Variants in PRKDC observed in about 807,000 individuals in gnomAD.
The protein encoded by PRKDC is DNA-dependent protein kinase catalytic subunit.
In PRKDC, 82 loss-of-function variants were observed where a neutral mutation model predicts 486.9. The ratio of observed to expected loss-of-function variants is 0.17; its 90% CI spans 0.14 to 0.20. The LOEUF (loss-of-function observed/expected upper bound fraction) is 0.20, where lower values mean the gene tolerates loss of function less well. PRKDC is among the 10% of genes least tolerant of loss of function. PRKDC has a pLI of 1.00. For synonymous variants in PRKDC, 1,895 were observed against 1,837.0 expected (o/e 1.03, Z -0.81); for missense variants, 4,504 against 5,038.2 (o/e 0.89, Z 3.21).
chr8:47,950,421 T>C (rs1000872523), intron 7 of PRKDC, among the ~76,000 whole-genome samples: 4 of 151,618 alleles, frequency 2.6e-5, no homozygotes, highest in African/African-American at 9.7e-5. Context: ...GTGAGGAGAA[T>C]GAGACCATCC....
intron 35 of PRKDC, among the ~76,000 whole-genome samples, chr8:47,887,095 G>A (rs1275039501): frequency 6.6e-6 from 1 of 152,198 alleles, no homozygotes; most frequent in Non-Finnish European, 1.5e-5. Context: ...AGGGCTGGCT[G>A]CAGATTTCAG....
In PRKDC at chr8:47,795,314, C is replaced by T. The variant is rs181625509; in HGVS notation, c.10459-813G>A. On this transcript the variant is annotated intron_variant, in intron 73 of 85. Transcript: ENST00000314191. The stretch of plus-strand genomic sequence containing the variant: ...ACGCCATTCTCCTACTTCAGCCTCC[C>T]GAGTAGCTGGGACTACAGGCGCCTG... Among the ~76,000 whole-genome samples, 649 of 149,240 alleles carry T rather than the reference C, an allele frequency of 4.3e-3. 1 individual carries two copies. The highest frequency in any genetic ancestry group is 6.1e-3 in the Non-Finnish European group (411 of 67,480).
At chr8:47,928,745 G>T (rs1333263392) in intron 19 of PRKDC, among the ~76,000 whole-genome samples, 5 of 151,880 alleles carry the variant, frequency 3.3e-5, no homozygotes, top group African/African-American at 1.2e-4. Context: ...GTACAGTAGT[G>T]CAATCTCAGC....
At chr8:47,856,706 G>A (rs1003153715) in intron 49 of PRKDC, among the ~76,000 whole-genome samples, 4 of 152,154 alleles carry the variant, frequency 2.6e-5, no homozygotes, top group Non-Finnish European at 5.9e-5. Flanking sequence ...TTATCATCTG[G>A]CAGCTACTGC....
Position 47,930,682 on chromosome 8 carries a change from C to T in PRKDC, c.1882G>A (p.Glu628Lys). Residue 628 changes from glutamate to lysine, a missense_variant, in exon 17 of 86, where the codon GAA becomes AAA. This residue lies in a region of PRKDC where 1,969 missense variants were observed against 2,068.9 expected (regional missense o/e 0.95). Transcript: ENST00000314191. ...KDFSAFINLV[E>K]FCREILPEKQ... ...AATTTTACCAAATACCTGCAAAATT[C>T]CACCAGGTTAATGAAAGCCGAAAAA... The T allele has an allele frequency of 6.4e-7, 1 of 1,568,112 alleles. No individual in the cohort carries two copies. The highest frequency in any genetic ancestry group is 8.6e-7 in the Non-Finnish European group (1 of 1,156,416).
At chr8:47,936,281 T>C in intron 12 of PRKDC, 72 bp downstream of exon 12, 2 of 1,485,298 alleles carry the variant, frequency 1.3e-6, no homozygotes, top group Non-Finnish European at 9.1e-7. Flanking sequence ...AAATGTATTG[T>C]ATGACTCCAT....
intron 40 of PRKDC, among the ~76,000 whole-genome samples, chr8:47,869,212 C>T (rs2088889198): frequency 6.6e-6 from 1 of 151,854 alleles, no homozygotes; most frequent in Admixed American, 6.6e-5. Context: ...GAGTGCTTGG[C>T]CATGCCTCCC....
At position 47,920,893 on chromosome 8, in the gene PRKDC, A is replaced by C. The variant is rs148031640; in HGVS notation, c.2420-2510T>G. 1.4e-4 allele frequency among the ~76,000 whole-genome samples: 21 copies of C among 152,296 alleles called. 1 individual carries two copies. Among genetic ancestry groups the C allele is most frequent in the African/African-American group, 4.6e-4 (19 of 41,564 alleles). ...TTAATTACATTCACAATGTTGTCCA[A>C]CCATCACCACATCCATCTCCAGAAA... On this transcript the variant is annotated intron_variant, in intron 21 of 85. Coordinates refer to ENST00000314191, the MANE Select transcript of PRKDC (RefSeq NM_006904.7).
chr8:47,904,774 C>A, intron 26 of PRKDC, 95 bp downstream of exon 26: 1 of 989,898 alleles, frequency 1.0e-6, no homozygotes, highest in Non-Finnish European at 1.5e-6. Flanking sequence ...GCCTGGGCGA[C>A]GGAGCAAGAC....
Position 47,881,528 on chromosome 8 carries a change from A to C in PRKDC, c.4963-8T>G, listed in dbSNP as rs1414137482. The C allele has an allele frequency of 7.2e-7, 1 of 1,392,768 alleles. No individual in the cohort carries two copies. The highest frequency in any genetic ancestry group is 9.9e-7 in the Non-Finnish European group (1 of 1,012,616). 86.3% of individuals were successfully genotyped at this position (1,392,768 alleles called of 1,614,324 possible). A position where few individuals can be genotyped will look rare whatever the true frequency, so the allele number is the denominator to read the frequency against. ...AGATACAGATGAATCAATCTAAAGGAAGGAAAAGAAAAACAGGACACATTT... is the reference window on the plus strand; with the variant it reads ...AGATACAGATGAATCAATCTAAAGGCAGGAAAAGAAAAACAGGACACATTT... On this transcript the variant is annotated splice_polypyrimidine_tract_variant and splice_region_variant and intron_variant, in intron 37 of 85. Coordinates refer to ENST00000314191, the MANE Select transcript of PRKDC (RefSeq NM_006904.7).
intron 26 of PRKDC, among the ~76,000 whole-genome samples, chr8:47,904,533 G>A (rs2382636): frequency 7.9e-5 from 12 of 152,302 alleles, no homozygotes; most frequent in Non-Finnish European, 1.8e-4. Context: ...GATTACAGGC[G>A]TGAGCCACTG....
chr8:47,825,592 A>G (rs920594011), intron 63 of PRKDC, among the ~76,000 whole-genome samples: 4 of 152,068 alleles, frequency 2.6e-5, no homozygotes, highest in African/African-American at 9.7e-5. Flanking sequence ...AAGTATGAGA[A>G]TGTACTTAAT....
chr8:47,957,296 G>C lies in PRKDC; in HGVS notation c.232-33C>G, dbSNP rs964686267. 5 of 1,573,212 alleles carry C rather than the reference G, an allele frequency of 3.2e-6. No individual in the cohort carries two copies. The Admixed American group carries it at 6.9e-5, about 22-fold the overall frequency. Reference sequence around the variant, plus strand: ...GAAAGAGATACATATTGTAAATATGGGTAAGAGGAGTCACTCCAGGAATAT... The same window carrying C: ...GAAAGAGATACATATTGTAAATATGCGTAAGAGGAGTCACTCCAGGAATAT... On this transcript the variant is annotated intron_variant, in intron 2 of 85. Coordinates refer to ENST00000314191, the MANE Select transcript of PRKDC (RefSeq NM_006904.7).
At chr8:47,930,035 G>C (rs1311121844) in intron 17 of PRKDC, 23 bp from the exon 18 acceptor site, 1 of 1,584,958 alleles carries the variant, frequency 6.3e-7, no homozygotes, top group Non-Finnish European at 8.6e-7. Flanking sequence ...ATTAGAAATT[G>C]AAGGTAGAAA....
At chr8:47,907,533 C>CTTTTTTTTT (rs1028272336) in intron 25 of PRKDC, among the ~76,000 whole-genome samples, 1 of 133,114 alleles carries the variant, frequency 7.5e-6, no homozygotes, top group Admixed American at 7.7e-5. Context: ...ATTTATATAC[C>CTTTTTTTTT]TTTTTTTTTT....
chr8:47,944,475 G>GA (rs2090497184), intron 7 of PRKDC, among the ~76,000 whole-genome samples: 9 of 64,702 alleles, frequency 1.4e-4, no homozygotes, highest in Non-Finnish European at 2.3e-4. Flanking sequence ...GTACATGTAA[G>GA]AAAAAAATTA....
At chr8:47,811,739 G>A (rs1329024290) in intron 68 of PRKDC, among the ~76,000 whole-genome samples, 1 of 152,204 alleles carries the variant, frequency 6.6e-6, no homozygotes, top group Non-Finnish European at 1.5e-5. Flanking sequence ...CACTTTGGAA[G>A]GCTGAGGTGG....
At chr8:47,837,106 G>T (rs577308973) in intron 57 of PRKDC, 106 bp downstream of exon 57, 3 of 1,214,348 alleles carry the variant, frequency 2.5e-6, no homozygotes, top group Non-Finnish European at 3.4e-6. Context: ...TTTCAGAAAG[G>T]AATGTGTATT....
intron 25 of PRKDC, among the ~76,000 whole-genome samples, chr8:47,907,301 A>G (rs1398368847): frequency 6.7e-6 from 1 of 148,284 alleles, no homozygotes; most frequent in African/African-American, 2.4e-5. Context: ...CGGCCTCCCA[A>G]AGTGCTGGGA....
Sources: allele counts gnomAD v4.1 joint callset (sites outside exome capture counted in the v4.1 genomes callset), GRCh38; gene constraint gnomAD v4.1.1; regional missense constraint gnomAD v4.1.1; transcripts MANE v1.5; gene names NCBI Gene and HGNC (gene_info 2026-07-23, HGNC 2026-07-21).